LRRC8B: variants seen among roughly 807,000 people sequenced by gnomAD.
LRRC8B encodes leucine rich repeat containing 8 VRAC subunit B, also known as volume-regulated anion channel subunit LRRC8B.
Under a neutral mutation model 58.8 loss-of-function variants are expected in LRRC8B, and 23 were observed. The ratio of observed to expected loss-of-function variants is 0.39; its 90% CI spans 0.28 to 0.55. The LOEUF (loss-of-function observed/expected upper bound fraction) is 0.55, where lower values mean the gene tolerates loss of function less well. Among genes scored for constraint, LRRC8B ranks in the 20% least tolerant of loss-of-function variants. The pLI, the probability that LRRC8B is intolerant of heterozygous loss-of-function variation, is 0.62. For synonymous variants in LRRC8B, 359 were observed against 374.1 expected (o/e 0.96, Z 0.47); for missense variants, 694 against 936.0 (o/e 0.74, Z 3.37).
intron 1 of LRRC8B, among the ~76,000 whole-genome samples, chr1:89,539,566 A>C (rs1410714220): frequency 6.6e-6 from 1 of 152,218 alleles, no homozygotes; most frequent in Non-Finnish European, 1.5e-5. Flanking sequence ...AGGTGAAGAA[A>C]GACTAATGGG....
In LRRC8B at chr1:89,593,201, C is replaced by T; in HGVS notation, c.*158C>T. ...ACCAGTCTGGCCAACCTGGTGAAAC[C>T]CCATCTCTGCTAAAACTACAAAAAA... On this transcript the variant is annotated 3_prime_UTR_variant, in exon 6 of 6. Coordinates refer to ENST00000330947, the MANE Select transcript of LRRC8B (RefSeq NM_001369817.2). 1.5e-6 allele frequency: 1 copy of T among 649,678 alleles called. No homozygotes were observed. 40.2% of individuals were successfully genotyped at this position (649,678 alleles called of 1,614,324 possible).
At chr1:89,552,051 T>A (rs185817797) in intron 1 of LRRC8B, among the ~76,000 whole-genome samples, 2 of 152,312 alleles carry the variant, frequency 1.3e-5, no homozygotes, top group Admixed American at 1.3e-4. Context: ...GTCTGCTTTG[T>A]CTGCAGAGTA....
At chr1:89,567,929 T>C (rs1653161101) in intron 1 of LRRC8B, among the ~76,000 whole-genome samples, 1 of 151,860 alleles carries the variant, frequency 6.6e-6, no homozygotes, top group Non-Finnish European at 1.5e-5. Flanking sequence ...GATATATAAG[T>C]GGCAAAAAAA....
At position 89,597,352 on chromosome 1, in the gene LRRC8B, A is replaced by G. The variant is rs951401297; in HGVS notation, c.*4309A>G. 2.0e-5 allele frequency: 3 copies of G among 152,238 alleles called. No individual in the cohort carries two copies. Among genetic ancestry groups the G allele is most frequent in the Non-Finnish European group, 4.4e-5 (3 of 68,044 alleles). 9.4% of individuals were successfully genotyped at this position (152,238 alleles called of 1,614,324 possible). A position where few individuals can be genotyped will look rare whatever the true frequency, so the allele number is the denominator to read the frequency against. ...AACTTTTGCATTTAACTTGTATAAT[A>G]CACTACTGCTGAGAAAAACAATTAT... On this transcript the variant is annotated 3_prime_UTR_variant, in exon 6 of 6. Transcript: ENST00000330947.
intron 1 of LRRC8B, among the ~76,000 whole-genome samples, chr1:89,548,812 C>A (rs1182269521): frequency 6.6e-6 from 1 of 152,158 alleles, no homozygotes; most frequent in Non-Finnish European, 1.5e-5. Flanking sequence ...CACTTTGCTG[C>A]AGTTTTTCCC....
At position 89,592,798 on chromosome 1, in the gene LRRC8B, C is replaced by G; in HGVS notation, c.2167C>G (p.Gln723Glu). ...NIEMLPDGLF[Q>E]CKKLQCLLLG... ...TGAGATGCTACCAGATGGGCTGTTTCAGTGCAAAAAGCTGCAGTGTTTACT... is the reference window on the plus strand; with the variant it reads ...TGAGATGCTACCAGATGGGCTGTTTGAGTGCAAAAAGCTGCAGTGTTTACT... Residue 723 changes from glutamine to glutamate, a missense_variant, in exon 6 of 6, where the codon CAG becomes GAG. By Grantham distance (29) the Gln-to-Glu change is conservative (BLOSUM62 2). This residue lies in a region of LRRC8B where 139 missense variants were observed against 158.2 expected (regional missense o/e 0.88). Coordinates refer to ENST00000330947, the MANE Select transcript of LRRC8B (RefSeq NM_001369817.2). The G allele has an allele frequency of 6.2e-7, 1 of 1,612,930 alleles. No individual in the cohort carries two copies. The highest frequency in any genetic ancestry group is 8.5e-7 in the Non-Finnish European group (1 of 1,179,828).
intron 1 of LRRC8B, among the ~76,000 whole-genome samples, chr1:89,542,472 A>G (rs901507884): frequency 3.3e-5 from 5 of 152,200 alleles, no homozygotes; most frequent in African/African-American, 1.2e-4. Context: ...AGGGCCATTT[A>G]CCACATAACA....
chr1:89,557,098 C>T (rs1004547236), intron 1 of LRRC8B, among the ~76,000 whole-genome samples: 2 of 152,174 alleles, frequency 1.3e-5, no homozygotes, highest in African/African-American at 4.8e-5. Context: ...TATTGCAAGG[C>T]AGATTTGGAG....
At chr1:89,592,691 T>G in intron 5 of LRRC8B, 80 bp from the exon 6 acceptor site, 1 of 1,249,010 alleles carries the variant, frequency 8.0e-7, no homozygotes, top group Non-Finnish European at 1.1e-6. Flanking sequence ...TTGTTTTTTT[T>G]TTTTTGGAAA....
intron 5 of LRRC8B, among the ~76,000 whole-genome samples, chr1:89,591,544 T>G (rs1654975753): frequency 6.6e-6 from 1 of 152,184 alleles, no homozygotes; most frequent in Admixed American, 6.5e-5. Flanking sequence ...GTGACAATCA[T>G]TAGATTTATT....
intron 1 of LRRC8B, among the ~76,000 whole-genome samples, chr1:89,556,989 A>C (rs947320324): frequency 5.9e-5 from 9 of 152,100 alleles, no homozygotes; most frequent in African/African-American, 2.2e-4. Flanking sequence ...AGGCGTGTGC[A>C]CTCCATTGGC....
Position 89,592,751 on chromosome 1 carries a change from C to CTTT in LRRC8B, c.2140-16_2140-14dup, listed in dbSNP as rs1169172362. The CTTT allele has an allele frequency of 3.8e-6, 6 of 1,584,830 alleles. No individual in the cohort carries two copies. In the African/African-American group the frequency reaches 8.2e-5, roughly 22 times the overall value. ...CACCAAAAACCTATTTTACCAGCTT[C>CTTT]TTTTTTCTTCCCTTTCCAGATTGAG... On this transcript the variant is annotated intron_variant, in intron 5 of 5. Coordinates refer to ENST00000330947, the MANE Select transcript of LRRC8B (RefSeq NM_001369817.2).
intron 1 of LRRC8B, among the ~76,000 whole-genome samples, chr1:89,539,513 C>T (rs997946006): frequency 2.0e-5 from 3 of 152,150 alleles, no homozygotes; most frequent in Non-Finnish European, 4.4e-5. Flanking sequence ...CAATTCCCAT[C>T]GTCTTTTACT....
intron 1 of LRRC8B, among the ~76,000 whole-genome samples, chr1:89,545,095 G>A (rs1365882630): frequency 6.6e-6 from 1 of 152,196 alleles, no homozygotes; most frequent in Non-Finnish European, 1.5e-5. Flanking sequence ...TACTAGGTAT[G>A]CTGTTACATT....
At chr1:89,553,173 ACT>A (rs1557601542) in intron 1 of LRRC8B, among the ~76,000 whole-genome samples, 2 of 152,154 alleles carry the variant, frequency 1.3e-5, no homozygotes, top group African/African-American at 4.8e-5. Context: ...GGTTAAAAAC[ACT>A]CTTTAAAAAT....
intron 1 of LRRC8B, among the ~76,000 whole-genome samples, chr1:89,553,364 A>G (rs1651953753): frequency 6.6e-6 from 1 of 152,094 alleles, no homozygotes; most frequent in South Asian, 2.1e-4. Flanking sequence ...CATAATGCCA[A>G]ATGATTTTTC....
In LRRC8B at chr1:89,528,211, C is replaced by T. The variant is rs559678804; in HGVS notation, c.-241+3189C>T. Among the ~76,000 whole-genome samples the T allele has an allele frequency of 2.0e-5, 3 of 152,276 alleles. No homozygotes were observed. The South Asian group carries it at 6.2e-4, about 32-fold the overall frequency. Reference sequence around the variant, plus strand: ...CCTATTCTTCAGCTAACAAGCACAGCATATTTCACAGACGCTGCCAGCTGC... The same window carrying T: ...CCTATTCTTCAGCTAACAAGCACAGTATATTTCACAGACGCTGCCAGCTGC... On this transcript the variant is annotated intron_variant, in intron 1 of 5. Coordinates refer to ENST00000330947, the MANE Select transcript of LRRC8B (RefSeq NM_001369817.2).
chr1:89,563,842 C>T (rs1652856090), intron 1 of LRRC8B, among the ~76,000 whole-genome samples: 2 of 152,152 alleles, frequency 1.3e-5, no homozygotes, highest in South Asian at 4.1e-4. Context: ...AAGGGATACT[C>T]AGCTTATCTA....
intron 1 of LRRC8B, among the ~76,000 whole-genome samples, chr1:89,526,310 G>A (rs1024378334): frequency 3.7e-4 from 57 of 152,314 alleles, no homozygotes; most frequent in African/African-American, 1.2e-3. Flanking sequence ...CACCTCCTGG[G>A]TTCAAGTGAT....
Sources: allele counts gnomAD v4.1 joint callset (sites outside exome capture counted in the v4.1 genomes callset), GRCh38; gene constraint gnomAD v4.1.1; regional missense constraint gnomAD v4.1.1; transcripts MANE v1.5; gene names NCBI Gene and HGNC (gene_info 2026-07-23, HGNC 2026-07-21).